Variants in PTCD2 observed in about 807,000 individuals in gnomAD.
PTCD2 encodes the protein pentatricopeptide repeat domain 2.
A neutral mutation model predicts 42.6 loss-of-function variants in PTCD2; 31 were observed. That is an observed-to-expected ratio of 0.73 (90% CI 0.55 to 0.98). The LOEUF is 0.98. PTCD2 is among the 50% of genes least tolerant of loss of function. PTCD2 has a pLI of 0.00. For missense variants in PTCD2, 476 were observed against 454.8 expected (o/e 1.05, Z -0.42); for synonymous variants, 183 against 170.9 (o/e 1.07, Z -0.55).
chr5:72,367,766 A>G lies in PTCD2; in HGVS notation c.*9339A>G, dbSNP rs572258324. On this transcript the variant is annotated 3_prime_UTR_variant, in exon 10 of 10. Coordinates refer to ENST00000380639, the MANE Select transcript of PTCD2 (RefSeq NM_024754.5). Reference sequence around the variant, plus strand: ...TCAGGTGTTAGAAGTGGAGGGAGGAACACAGTTAGGCTGTGTTCTACTGCA... The same window carrying G: ...TCAGGTGTTAGAAGTGGAGGGAGGAGCACAGTTAGGCTGTGTTCTACTGCA... The G allele has an allele frequency of 5.3e-5, 8 of 152,306 alleles. No homozygotes were observed. Among genetic ancestry groups the G allele is most frequent in the African/African-American group, 1.9e-4 (8 of 41,570 alleles). The allele number at this position is 152,306 out of a possible 1,614,324, so 9.4% of individuals were successfully genotyped here. A position where few individuals can be genotyped will look rare whatever the true frequency, so the allele number is the denominator to read the frequency against.
intron 2 of PTCD2, among the ~76,000 whole-genome samples, chr5:72,326,201 G>A (rs182055437): frequency 1.2e-3 from 179 of 152,352 alleles, no homozygotes; most frequent in African/African-American, 4.1e-3. Context: ...TTCTCTGCCA[G>A]TTGACGGTTT....
At chr5:72,346,769 A>G (rs1174379344) in intron 8 of PTCD2, among the ~76,000 whole-genome samples, 2 of 152,202 alleles carry the variant, frequency 1.3e-5, no homozygotes, top group South Asian at 2.1e-4. Flanking sequence ...TGGCCTTCAG[A>G]TGTCCCATCT....
chr5:72,327,534 C>T (rs1334990310), intron 3 of PTCD2, among the ~76,000 whole-genome samples: 4 of 148,494 alleles, frequency 2.7e-5, no homozygotes, highest in African/African-American at 1.0e-4. Context: ...TACAGTGGCA[C>T]GATCTTTCAG....
intron 8 of PTCD2, among the ~76,000 whole-genome samples, chr5:72,344,133 G>A (rs980659627): frequency 6.6e-6 from 1 of 152,188 alleles, no homozygotes; most frequent in Non-Finnish European, 1.5e-5. Flanking sequence ...GTGCTCTAGA[G>A]GAGGACAGGA....
intron 6 of PTCD2, among the ~76,000 whole-genome samples, chr5:72,337,998 G>A (rs903846953): frequency 6.6e-6 from 1 of 152,138 alleles, no homozygotes; most frequent in East Asian, 1.9e-4. Flanking sequence ...TGCAACTCCC[G>A]TTATGACAGA....
At chr5:72,338,542 T>C (rs1751875154) in intron 6 of PTCD2, 80 bp from the exon 7 acceptor site, 3 of 643,218 alleles carry the variant, frequency 4.7e-6, no homozygotes, top group Middle Eastern at 3.6e-4. Flanking sequence ...CAAAAGGAAC[T>C]ATAAATACTG....
At chr5:72,334,921 C>T in intron 4 of PTCD2, 97 bp from the exon 5 acceptor site, 1 of 729,894 alleles carries the variant, frequency 1.4e-6, no homozygotes, top group East Asian at 2.7e-5. Context: ...GTAAAGCATG[C>T]AGAATAATAA....
At chr5:72,336,054 A>G (rs1043437469) in intron 6 of PTCD2, among the ~76,000 whole-genome samples, 169 bp downstream of exon 6, 3 of 152,256 alleles carry the variant, frequency 2.0e-5, no homozygotes, top group Admixed American at 1.3e-4. Flanking sequence ...TAGCCATATC[A>G]GGCAGTTTTA....
At chr5:72,347,910 G>A (rs1752439734) in intron 8 of PTCD2, among the ~76,000 whole-genome samples, 1 of 152,112 alleles carries the variant, frequency 6.6e-6, no homozygotes, top group Non-Finnish European at 1.5e-5. Flanking sequence ...GCCTATGGAT[G>A]CAGTGGAATG....
At chr5:72,347,539 A>T (rs995994485) in intron 8 of PTCD2, among the ~76,000 whole-genome samples, 2 of 152,114 alleles carry the variant, frequency 1.3e-5, no homozygotes, top group Non-Finnish European at 2.9e-5. Flanking sequence ...TACAAAAATT[A>T]GCTGAACGTG....
rs142566897 is a variant in PTCD2, at chr5:72,342,873, A to G, written c.754-89A>G. On this transcript the variant is annotated intron_variant, in intron 7 of 9. Coordinates refer to ENST00000380639, the MANE Select transcript of PTCD2 (RefSeq NM_024754.5). ...GACTTCAAAACCCTGAGGTCACCTT[A>G]ATAGGAATATACTGCCCTCTCTAAG... 2.7e-3 allele frequency: 1,802 copies of G among 663,742 alleles called. 3 individuals are homozygous for G. The highest frequency in any genetic ancestry group is 3.1e-3 in the Non-Finnish European group (1,279 of 409,694). 41.1% of individuals were successfully genotyped at this position (663,742 alleles called of 1,614,324 possible).
chr5:72,350,684 A>G (rs1042111071), intron 8 of PTCD2, among the ~76,000 whole-genome samples: 10 of 152,270 alleles, frequency 6.6e-5, no homozygotes, highest in Non-Finnish European at 1.5e-4. Context: ...TATTTAGTTT[A>G]CCTGGGATCA....
At position 72,352,735 on chromosome 5, in the gene PTCD2, A is replaced by C. The variant is rs769999955; in HGVS notation, c.923A>C (p.His308Pro). The C allele has an allele frequency of 6.3e-7, 1 of 1,584,260 alleles. No homozygotes were observed. The highest frequency in any genetic ancestry group is 8.7e-7 in the Non-Finnish European group (1 of 1,153,236). The change falls in exon 9 of 10, where the codon CAT (histidine) becomes CCT (proline). Residue 308 changes from histidine (H) to proline (P), a missense_variant. Physicochemically the swap from His to Pro is moderately conservative, Grantham distance 77. Coordinates refer to ENST00000380639, the MANE Select transcript of PTCD2 (RefSeq NM_024754.5). ...EGNLSKFVKR[H>P]VFSEEVLAKV... is the part of the protein sequence containing the mutation. ...AATTTATCAAAATTTGTGAAAAGAC[A>C]TGTGTTCTCGGAGGAAGTGGTGAGT...
chr5:72,340,303 C>A (rs940030225), intron 7 of PTCD2, among the ~76,000 whole-genome samples: 2 of 152,038 alleles, frequency 1.3e-5, no homozygotes, highest in Admixed American at 1.3e-4. Context: ...TTTCTTCCTC[C>A]CCCATCCAAT....
Position 72,359,805 on chromosome 5 carries a change from G to A in PTCD2, c.*1378G>A, listed in dbSNP as rs1753050535. 6.6e-6 allele frequency: 1 copy of A among 152,106 alleles called. No individual in the cohort carries two copies. The highest frequency in any genetic ancestry group is 2.4e-5 in the African/African-American group (1 of 41,422). 9.4% of individuals were successfully genotyped at this position (152,106 alleles called of 1,614,324 possible). A position where few individuals can be genotyped will look rare whatever the true frequency, so the allele number is the denominator to read the frequency against. ...GATTAGAATCCAGATTCCTAGTCTA[G>A]TATCCTTCCCACTGTACCACATTAT... On this transcript the variant is annotated 3_prime_UTR_variant, in exon 10 of 10. Coordinates refer to ENST00000380639, the MANE Select transcript of PTCD2 (RefSeq NM_024754.5).
intron 3 of PTCD2, among the ~76,000 whole-genome samples, chr5:72,327,577 A>G (rs1273280404): frequency 1.3e-5 from 2 of 151,710 alleles, no homozygotes; most frequent in Admixed American, 6.6e-5. Flanking sequence ...GGTTCAAGCA[A>G]TTCTCTTGCC....
At chr5:72,354,465 A>C (rs1461863387) in intron 9 of PTCD2, among the ~76,000 whole-genome samples, 1 of 150,530 alleles carries the variant, frequency 6.6e-6, no homozygotes, top group African/African-American at 2.4e-5. Context: ...AATGGGTAAG[A>C]GATGTGGACA....
intron 6 of PTCD2, 104 bp downstream of exon 6, chr5:72,335,989 C>A: frequency 1.6e-6 from 1 of 634,040 alleles, no homozygotes; most frequent in Admixed American, 2.8e-5. Context: ...AATCTGTTTT[C>A]CATCTGGTGC....
rs1023127177 is a variant in PTCD2, at chr5:72,361,080, G to A, written c.*2653G>A. On this transcript the variant is annotated 3_prime_UTR_variant, in exon 10 of 10. Coordinates refer to ENST00000380639, the MANE Select transcript of PTCD2 (RefSeq NM_024754.5). Reference sequence around the variant, plus strand: ...TTGTAGATTGTTTTTACTTACTGTAGATATCTGTTGCTCCAGAGTCCCAGA... The same window carrying A: ...TTGTAGATTGTTTTTACTTACTGTAAATATCTGTTGCTCCAGAGTCCCAGA... The A allele has an allele frequency of 7.9e-5, 12 of 152,152 alleles. No homozygotes were observed. Among genetic ancestry groups the A allele is most frequent in the African/African-American group, 2.9e-4 (12 of 41,438 alleles). 9.4% of individuals were successfully genotyped at this position (152,152 alleles called of 1,614,324 possible). A position where few individuals can be genotyped will look rare whatever the true frequency, so the allele number is the denominator to read the frequency against.
Sources: allele counts gnomAD v4.1 joint callset (sites outside exome capture counted in the v4.1 genomes callset), GRCh38; gene constraint gnomAD v4.1.1; transcripts MANE v1.5; gene names NCBI Gene and HGNC (gene_info 2026-07-23, HGNC 2026-07-21).